Variants in MACO1 observed in about 807,000 individuals in gnomAD.
The protein encoded by MACO1 is macoilin 1.
Under a neutral mutation model 78.7 loss-of-function variants are expected in MACO1, and 14 were observed. That is an observed-to-expected ratio of 0.18 (90% confidence interval 0.12 to 0.28). MACO1 has a LOEUF of 0.28. Among genes scored for constraint, MACO1 ranks in the 10% least tolerant of loss-of-function variants. MACO1 has a pLI of 1.00. For synonymous variants in MACO1, 288 were observed against 291.6 expected, an observed-to-expected ratio of 0.99 and a Z score of 0.12; for missense variants, 501 against 799.0, an observed-to-expected ratio of 0.63 and a Z score of 4.50.
intron 1 of MACO1, among the ~76,000 whole-genome samples, chr1:25,439,440 G>A (rs777221170): frequency 6.6e-6 from 1 of 152,060 alleles, no homozygotes; most frequent in Non-Finnish European, 1.5e-5. Context: ...CACACTGTTA[G>A]ATTTGTCATT....
intron 10 of MACO1, among the ~76,000 whole-genome samples, chr1:25,495,939 C>T (rs575350187): frequency 6.6e-6 from 1 of 152,010 alleles, no homozygotes; most frequent in Non-Finnish European, 1.5e-5. Context: ...TCCAGCCTGG[C>T]GACAGAGCAA....
chr1:25,441,943 G>A (rs1412923565), intron 1 of MACO1, among the ~76,000 whole-genome samples: 1 of 152,194 alleles, frequency 6.6e-6, no homozygotes, highest in Non-Finnish European at 1.5e-5. Flanking sequence ...TCTGATTAGG[G>A]CATTGTCTTT....
chr1:25,442,649 G>C (rs1186831604), intron 1 of MACO1, among the ~76,000 whole-genome samples: 1 of 152,130 alleles, frequency 6.6e-6, no homozygotes, highest in Non-Finnish European at 1.5e-5. Context: ...TCTATGGATG[G>C]AGAGTACTGC....
At chr1:25,470,070 T>C (rs987931305) in intron 6 of MACO1, among the ~76,000 whole-genome samples, 1 of 152,226 alleles carries the variant, frequency 6.6e-6, no homozygotes, top group Admixed American at 6.5e-5. Flanking sequence ...ATTTGTTGAA[T>C]AGAAAGGACT....
chr1:25,457,124 G>A (rs1421339568), intron 5 of MACO1, among the ~76,000 whole-genome samples: 1 of 151,076 alleles, frequency 6.6e-6, no homozygotes, highest in East Asian at 1.9e-4. Flanking sequence ...TTTTGAGACA[G>A]GGAGGGTCTC....
chr1:25,455,412 T>C (rs1237279385), intron 4 of MACO1, among the ~76,000 whole-genome samples: 1 of 152,160 alleles, frequency 6.6e-6, no homozygotes, highest in Non-Finnish European at 1.5e-5. Flanking sequence ...TAAACAGTAA[T>C]CAACTAAAAA....
chr1:25,471,534 G>T (rs1001542739), intron 6 of MACO1, among the ~76,000 whole-genome samples: 1 of 152,312 alleles, frequency 6.6e-6, no homozygotes, highest in Admixed American at 6.5e-5. Flanking sequence ...TGTAAGCTCA[G>T]TAAGGACAGG....
intron 9 of MACO1, among the ~76,000 whole-genome samples, chr1:25,490,724 A>G (rs2043478185): frequency 6.6e-6 from 1 of 152,222 alleles, no homozygotes; most frequent in Non-Finnish European, 1.5e-5. Context: ...GCCAATAAAA[A>G]TTTTATTTTC....
At chr1:25,478,350 T>C (rs1344657446) in intron 6 of MACO1, among the ~76,000 whole-genome samples, 1 of 152,260 alleles carries the variant, frequency 6.6e-6, no homozygotes. Context: ...AAGGCTAACA[T>C]TTGAACTTCA....
Position 25,500,140 on chromosome 1 carries a change from G to C in MACO1, c.*1674G>C, listed in dbSNP as rs2043573774. 6.6e-6 allele frequency: 1 copy of C among 151,642 alleles called. No homozygotes were observed. The allele number at this position is 151,642 out of a possible 1,614,324, so 9.4% of individuals were successfully genotyped here. The stretch of plus-strand genomic sequence containing the variant: ...CTTTTGGGACACTTCGTTAAATACT[G>C]GTCTTGGCTGCATTCTTTTTTTTTT... On this transcript the variant is annotated 3_prime_UTR_variant, in exon 11 of 11. Coordinates refer to ENST00000374343, the MANE Select transcript of MACO1 (RefSeq NM_018202.6).
At chr1:25,433,435 A>G (rs759476702) in intron 1 of MACO1, among the ~76,000 whole-genome samples, 1 of 152,182 alleles carries the variant, frequency 6.6e-6, no homozygotes, top group Non-Finnish European at 1.5e-5. Context: ...GTTGTTTTTC[A>G]CACCATCTAT....
At chr1:25,457,364 C>T (rs2043130771) in intron 5 of MACO1, among the ~76,000 whole-genome samples, 1 of 152,148 alleles carries the variant, frequency 6.6e-6, no homozygotes, top group Non-Finnish European at 1.5e-5. Flanking sequence ...CTCCCACCTC[C>T]ACCTTCTGAA....
At chr1:25,441,547 C>G (rs1277662357) in intron 1 of MACO1, among the ~76,000 whole-genome samples, 1 of 152,210 alleles carries the variant, frequency 6.6e-6, no homozygotes, top group African/African-American at 2.4e-5. Context: ...CTGTGCTGGG[C>G]ACTAAGGAGA....
chr1:25,433,122 C>T lies in MACO1; in HGVS notation c.80+1944C>T, dbSNP rs59569227. Among the ~76,000 whole-genome samples the T allele has an allele frequency of 6.9e-3, 1,050 of 152,306 alleles. 16 individuals carry two copies. Among genetic ancestry groups the T allele is most frequent in the African/African-American group, 0.024 (996 of 41,570 alleles). ...AATCTTCTTATGCTTCTCTGTTTTGCATTCTTTAAGTTAAATGTTAATAAA... is the reference window on the plus strand; with the variant it reads ...AATCTTCTTATGCTTCTCTGTTTTGTATTCTTTAAGTTAAATGTTAATAAA... On this transcript the variant is annotated intron_variant, in intron 1 of 10. Transcript: ENST00000374343.
intron 6 of MACO1, among the ~76,000 whole-genome samples, chr1:25,480,176 C>T (rs954214379): frequency 1.3e-5 from 2 of 152,102 alleles, no homozygotes; most frequent in African/African-American, 4.8e-5. Flanking sequence ...TTTCTGTAGA[C>T]AGCTAATGAA....
At chr1:25,471,560 G>C (rs1329417276) in intron 6 of MACO1, among the ~76,000 whole-genome samples, 1 of 152,112 alleles carries the variant, frequency 6.6e-6, no homozygotes, top group Non-Finnish European at 1.5e-5. Context: ...TATTTTCACT[G>C]GTTTGTCACA....
In MACO1 at chr1:25,477,886, T is replaced by C. The variant is rs2043336457; in HGVS notation, c.1155-6230T>C. Among the ~76,000 whole-genome samples the C allele has an allele frequency of 4.6e-5, 7 of 152,322 alleles. No homozygotes were observed. The South Asian group carries it at 1.4e-3, about 32-fold the overall frequency. ...GATAAGAATTACAAACATTTAGACA[T>C]AGTATCTCCCTACCTTTTCAGATAC... On this transcript the variant is annotated intron_variant, in intron 6 of 10. Coordinates refer to ENST00000374343, the MANE Select transcript of MACO1 (RefSeq NM_018202.6).
chr1:25,465,426 G>A (rs1269157546), intron 6 of MACO1, among the ~76,000 whole-genome samples: 1 of 152,164 alleles, frequency 6.6e-6, no homozygotes, highest in Admixed American at 6.5e-5. Context: ...CAATGAATGG[G>A]AGTTCCTGTA....
At chr1:25,450,684 T>G (rs2043057723) in intron 3 of MACO1, among the ~76,000 whole-genome samples, 1 of 152,236 alleles carries the variant, frequency 6.6e-6, no homozygotes, top group African/African-American at 2.4e-5. Context: ...TCACACTCTT[T>G]CATATCTGAC....
Sources: gnomAD v4.1 joint callset for allele counts (sites outside exome capture counted in the v4.1 genomes callset) on GRCh38, gnomAD v4.1.1 for gene constraint, MANE v1.5 for transcripts, NCBI Gene and HGNC (gene_info 2026-07-23, HGNC 2026-07-21) for gene names.